Variants in HYCC1 observed in about 807,000 individuals in gnomAD.
The protein encoded by HYCC1 is hyccin PI4KA lipid kinase complex subunit 1.
the HYCC1 span, among the ~76,000 whole-genome samples, chr7:22,930,611 T>A: frequency 6.6e-6 from 1 of 152,030 alleles, no homozygotes; most frequent in African/African-American, 2.4e-5. Flanking sequence ...GGGAACTCAT[T>A]ATTTGAAGCC....
At chr7:23,013,285 A>G in the HYCC1 span, among the ~76,000 whole-genome samples, 1 of 152,252 alleles carries the variant, frequency 6.6e-6, no homozygotes, top group Non-Finnish European at 1.5e-5. Context: ...AGAGATCTTC[A>G]GCGAAATAAC....
chr7:22,964,247 C>T, the HYCC1 span, among the ~76,000 whole-genome samples: 2 of 151,992 alleles, frequency 1.3e-5, no homozygotes, highest in African/African-American at 4.8e-5. Context: ...ATGTTTTAAA[C>T]TAAGATAATA....
chr7:22,993,115 G>A, the HYCC1 span, among the ~76,000 whole-genome samples: 1 of 152,136 alleles, frequency 6.6e-6, no homozygotes, highest in Non-Finnish European at 1.5e-5. Context: ...TGACAAAAAT[G>A]ACACTGAAAT....
the HYCC1 span, chr7:22,945,534 A>T: frequency 4.5e-6 from 6 of 1,341,954 alleles, no homozygotes; most frequent in Non-Finnish European, 5.4e-6. Flanking sequence ...TTTCATAAAG[A>T]AGCAAAGTTG....
the HYCC1 span, chr7:22,936,515 A>C: frequency 6.6e-6 from 1 of 152,194 alleles, no homozygotes; most frequent in Non-Finnish European, 1.5e-5. Context: ...CCTTCACCAC[A>C]GGGCCTTTGT....
chr7:22,922,713 T>C, the HYCC1 span, among the ~76,000 whole-genome samples: 3 of 152,174 alleles, frequency 2.0e-5, no homozygotes, highest in African/African-American at 4.8e-5. Flanking sequence ...ACAGTAAAAG[T>C]ATGGGAAAAG....
chr7:22,966,623 G>C, the HYCC1 span, among the ~76,000 whole-genome samples: 1 of 152,072 alleles, frequency 6.6e-6, no homozygotes, highest in East Asian at 1.9e-4. Flanking sequence ...TATAATACTA[G>C]CCAATAGATT....
At chr7:22,927,766 G>A in the HYCC1 span, among the ~76,000 whole-genome samples, 4 of 152,274 alleles carry the variant, frequency 2.6e-5, no homozygotes, top group Admixed American at 2.0e-4. Context: ...ACAAGGAGGA[G>A]CTGGTACCAT....
chr7:22,945,779 C>G, the HYCC1 span: 1 of 1,613,646 alleles, frequency 6.2e-7, no homozygotes, highest in African/African-American at 1.3e-5. Context: ...GACTGTGACA[C>G]CACTGACTTG....
At chr7:23,002,397 T>G in the HYCC1 span, among the ~76,000 whole-genome samples, 1 of 151,860 alleles carries the variant, frequency 6.6e-6, no homozygotes. Flanking sequence ...AAAAAGTATT[T>G]TATTTAGTCT....
At chr7:22,904,925 C>T in the HYCC1 span, among the ~76,000 whole-genome samples, 1 of 151,092 alleles carries the variant, frequency 6.6e-6, no homozygotes, top group African/African-American at 2.4e-5. Context: ...GTTCTGCAGG[C>T]TATACAGGAA....
chr7:22,935,083 C>T, the HYCC1 span: 3 of 152,214 alleles, frequency 2.0e-5, no homozygotes, highest in Non-Finnish European at 4.4e-5. Flanking sequence ...CTTTTCTGCA[C>T]ACCTTCTCTC....
chr7:22,940,795 T>C, the HYCC1 span: 7 of 151,686 alleles, frequency 4.6e-5, no homozygotes, highest in Admixed American at 2.6e-4. Flanking sequence ...ACTCAAGAGA[T>C]ATAGACTCTT....
the HYCC1 span, chr7:22,946,209 GC>G: frequency 6.6e-7 from 1 of 1,516,206 alleles, no homozygotes; most frequent in African/African-American, 1.4e-5. Flanking sequence ...AGTATTTTAA[GC>G]AATCTTTTTA....
the HYCC1 span, among the ~76,000 whole-genome samples, chr7:22,992,297 A>T: frequency 1.3e-5 from 2 of 152,096 alleles, no homozygotes; most frequent in Non-Finnish European, 2.9e-5. Context: ...TCATTCATTC[A>T]TTCATTCACT....
the HYCC1 span, chr7:22,938,761 T>C: frequency 1.3e-5 from 2 of 152,168 alleles, no homozygotes; most frequent in Admixed American, 6.5e-5. Context: ...TGCTGACAGC[T>C]ACTAGACCAT....
the HYCC1 span, among the ~76,000 whole-genome samples, chr7:22,924,546 G>A: frequency 6.6e-6 from 1 of 152,232 alleles, no homozygotes; most frequent in Non-Finnish European, 1.5e-5. Flanking sequence ...TCCCGCACAT[G>A]GCTCCGAGGG....
At chr7:22,961,326 T>C in the HYCC1 span, 2 of 1,448,092 alleles carry the variant, frequency 1.4e-6, no homozygotes, top group Non-Finnish European at 1.9e-6. Context: ...ATTATAACTA[T>C]AAAATTAGAT....
the HYCC1 span, among the ~76,000 whole-genome samples, chr7:22,912,320 A>T: frequency 6.6e-6 from 1 of 152,210 alleles, no homozygotes; most frequent in African/African-American, 2.4e-5. Flanking sequence ...GGTGGATACA[A>T]CCAGGAAGAT....
Sources: gnomAD v4.1 joint callset for allele counts (sites outside exome capture counted in the v4.1 genomes callset) on GRCh38, gnomAD v4.1.1 for gene constraint, MANE v1.5 for transcripts, NCBI Gene and HGNC (gene_info 2026-07-23, HGNC 2026-07-21) for gene names.